Variants in FAM78B observed in about 807,000 individuals in gnomAD.
The protein encoded by FAM78B is protein FAM78B.
A neutral mutation model predicts 20.0 loss-of-function variants in FAM78B; 10 were observed. That is an observed-to-expected ratio of 0.50 (90% confidence interval 0.31 to 0.85). The LOEUF is 0.85. Among genes scored for constraint, FAM78B ranks in the 40% least tolerant of loss-of-function variants. FAM78B has a pLI of 0.05. For missense variants in FAM78B, 283 were observed against 345.0 expected, an observed-to-expected ratio of 0.82 and a Z score of 1.42; for synonymous variants, 135 against 132.8, an observed-to-expected ratio of 1.02 and a Z score of -0.12.
At chr1:166,077,502 T>G (rs975069574) in intron 1 of FAM78B, among the ~76,000 whole-genome samples, 1 of 150,618 alleles carries the variant, frequency 6.6e-6, no homozygotes, top group African/African-American at 2.4e-5. Flanking sequence ...ATTACAGAAA[T>G]CAAATGAAGT....
At chr1:166,162,098 C>T (rs1359171447) in intron 1 of FAM78B, among the ~76,000 whole-genome samples, 2 of 152,136 alleles carry the variant, frequency 1.3e-5, no homozygotes, top group Non-Finnish European at 1.5e-5. Context: ...CAGAGAAGCC[C>T]GTCTACAAGG....
intron 2 of FAM78B, among the ~76,000 whole-genome samples, chr1:166,063,207 C>T (rs1651673159): frequency 6.6e-6 from 1 of 152,222 alleles, no homozygotes; most frequent in African/African-American, 2.4e-5. Flanking sequence ...GCATTGTCTC[C>T]CTGATGGCAG....
At chr1:166,088,068 A>G (rs1431313323) in intron 1 of FAM78B, among the ~76,000 whole-genome samples, 7 of 152,026 alleles carry the variant, frequency 4.6e-5, no homozygotes. Flanking sequence ...AGATGCTTTG[A>G]CCCAATTCTG....
chr1:166,158,132 C>G (rs77533456), intron 1 of FAM78B, among the ~76,000 whole-genome samples: 2,423 of 152,168 alleles, frequency 0.016, 68 homozygotes, highest in African/African-American at 0.055. Flanking sequence ...TTCAGAGAAC[C>G]CCCTTCCTGG....
At position 166,062,736 on chromosome 1, in the gene FAM78B, T is replaced by C. The variant is rs560892320; in HGVS notation, c.*410-2073A>G. Among the ~76,000 whole-genome samples the C allele has an allele frequency of 5.0e-4, 76 of 152,228 alleles. 1 individual carries two copies. Among genetic ancestry groups the C allele is most frequent in the Non-Finnish European group, 1.0e-3 (70 of 68,046 alleles). ...GTACGTGAGGGAGTGAAGTGGGAAA[T>C]AATTTAATTGGCTGTCTTGCTTTCA... On this transcript the variant is annotated intron_variant and NMD_transcript_variant, in intron 2 of 2. Coordinates refer to the FAM78B transcript ENST00000435676.
intron 1 of FAM78B, among the ~76,000 whole-genome samples, chr1:166,162,125 T>C (rs1020485179): frequency 1.3e-5 from 2 of 152,142 alleles, no homozygotes; most frequent in African/African-American, 2.4e-5. Context: ...GCTGAAACGG[T>C]GAGTCTCTCA....
At chr1:166,125,981 A>G (rs1361539456) in intron 1 of FAM78B, among the ~76,000 whole-genome samples, 2 of 151,864 alleles carry the variant, frequency 1.3e-5, no homozygotes, top group Non-Finnish European at 2.9e-5. Context: ...ACAGGCATGT[A>G]CTACCATGCC....
intron 1 of FAM78B, among the ~76,000 whole-genome samples, chr1:166,086,504 G>T (rs4072267): frequency 0.031 from 4,693 of 152,260 alleles, 263 homozygotes; most frequent in Admixed American, 0.14. Context: ...TCATGAAAGC[G>T]GGGCAGAGGG....
chr1:166,155,966 G>A (rs1034739492), intron 1 of FAM78B, among the ~76,000 whole-genome samples: 1 of 152,186 alleles, frequency 6.6e-6, no homozygotes, highest in Admixed American at 6.5e-5. Flanking sequence ...TGTACCTGCC[G>A]CCACACATGC....
At chr1:166,075,809 T>C (rs753062646) in intron 1 of FAM78B, among the ~76,000 whole-genome samples, 1 of 152,224 alleles carries the variant, frequency 6.6e-6, no homozygotes, top group Admixed American at 6.5e-5. Flanking sequence ...TGATTTTAAG[T>C]ACCATCTGCA....
chr1:166,092,188 C>T (rs1653103859), intron 1 of FAM78B, among the ~76,000 whole-genome samples: 1 of 152,202 alleles, frequency 6.6e-6, no homozygotes, highest in Admixed American at 6.5e-5. Context: ...AAATAATTAG[C>T]TAATGAGCTA....
intron 1 of FAM78B, among the ~76,000 whole-genome samples, chr1:166,128,691 T>C (rs1003322272): frequency 1.3e-5 from 2 of 152,204 alleles, no homozygotes; most frequent in Non-Finnish European, 2.9e-5. Context: ...CTCTTTCCAC[T>C]TTCCCACTGG....
chr1:166,101,544 C>T (rs544490109), intron 1 of FAM78B, among the ~76,000 whole-genome samples: 1 of 152,326 alleles, frequency 6.6e-6, no homozygotes, highest in South Asian at 2.1e-4. Context: ...AACCATACCA[C>T]AAGAACTATG....
At chr1:166,101,935 A>G (rs993190183) in intron 1 of FAM78B, among the ~76,000 whole-genome samples, 5 of 152,178 alleles carry the variant, frequency 3.3e-5, no homozygotes, top group African/African-American at 1.2e-4. Flanking sequence ...AAATGAAGGA[A>G]AAAATGTTAA....
chr1:166,089,293 T>C (rs1652967202), intron 1 of FAM78B, among the ~76,000 whole-genome samples: 1 of 152,240 alleles, frequency 6.6e-6, no homozygotes, highest in African/African-American at 2.4e-5. Context: ...GTGTCTCTCT[T>C]CGTGTGGATT....
intron 1 of FAM78B, among the ~76,000 whole-genome samples, chr1:166,085,793 T>G (rs954116622): frequency 6.6e-6 from 1 of 152,310 alleles, no homozygotes; most frequent in Non-Finnish European, 1.5e-5. Context: ...TGGGGGCTCC[T>G]TGGCCTCAGT....
intron 1 of FAM78B, among the ~76,000 whole-genome samples, chr1:166,137,209 C>G (rs972252148): frequency 6.6e-6 from 1 of 152,128 alleles, no homozygotes. Flanking sequence ...ATGTGCTAAC[C>G]CTGATTTTCA....
intron 1 of FAM78B, 109 bp downstream of exon 1, chr1:166,165,877 A>G: frequency 1.5e-6 from 2 of 1,335,798 alleles, no homozygotes; most frequent in East Asian, 2.4e-5. Flanking sequence ...AGGAAGGTTT[A>G]GAAAGACGAT....
At chr1:166,105,286 T>C (rs974454620) in intron 1 of FAM78B, among the ~76,000 whole-genome samples, 6 of 152,300 alleles carry the variant, frequency 3.9e-5, no homozygotes, top group African/African-American at 1.2e-4. Context: ...AGTCAGCACA[T>C]AGGCATGGGC....
Sources: gnomAD v4.1 joint callset for allele counts (sites outside exome capture counted in the v4.1 genomes callset) on GRCh38, gnomAD v4.1.1 for gene constraint, MANE v1.5 for transcripts, NCBI Gene and HGNC (gene_info 2026-07-23, HGNC 2026-07-21) for gene names.